PRIM2: variants seen among roughly 807,000 people sequenced by gnomAD.
The protein encoded by PRIM2 is DNA primase large subunit.
A neutral mutation model predicts 67.3 loss-of-function variants in PRIM2; 39 were observed. The ratio of observed to expected loss-of-function variants is 0.58; its 90% CI spans 0.45 to 0.76. PRIM2 has a LOEUF of 0.76. PRIM2 is among the 30% of genes least tolerant of loss of function. The pLI, the probability that PRIM2 is intolerant of heterozygous loss-of-function variation, is 0.00. For missense variants in PRIM2, 398 were observed against 598.7 expected (o/e 0.66, Z 3.50); for synonymous variants, 143 against 198.7 (o/e 0.72, Z 2.36).
chr6:57,533,042 G>A (rs1207716656), intron 9 of PRIM2, among the ~76,000 whole-genome samples: 1 of 151,740 alleles, frequency 6.6e-6, no homozygotes, highest in Non-Finnish European at 1.5e-5. Context: ...CCACCCCCAT[G>A]GCCTCCTTTA....
intron 8 of PRIM2, among the ~76,000 whole-genome samples, chr6:57,514,502 C>A (rs1774439575): frequency 6.6e-6 from 1 of 152,174 alleles, no homozygotes; most frequent in Non-Finnish European, 1.5e-5. Flanking sequence ...TGTTTCCAGT[C>A]TCTGGCAGTA....
chr6:57,636,969 T>C (rs1777133016), intron 13 of PRIM2, among the ~76,000 whole-genome samples: 1 of 152,120 alleles, frequency 6.6e-6, no homozygotes, highest in Admixed American at 6.5e-5. Context: ...GGGAGACACC[T>C]CCCAGCAGGG....
intron 13 of PRIM2, among the ~76,000 whole-genome samples, chr6:57,639,580 A>G (rs1325265698): frequency 7.0e-6 from 1 of 142,302 alleles, no homozygotes; most frequent in African/African-American, 2.7e-5. Context: ...ATCACCACTG[A>G]TCCCACAGAA....
At chr6:57,295,230 C>A in the PRIM2 span, among the ~76,000 whole-genome samples, 2 of 152,138 alleles carry the variant, frequency 1.3e-5, no homozygotes, top group African/African-American at 4.8e-5. Context: ...TTCTCCACCC[C>A]AGCTGACGTG....
chr6:57,439,675 G>A (rs1428709102), intron 7 of PRIM2, among the ~76,000 whole-genome samples: 1 of 151,838 alleles, frequency 6.6e-6, no homozygotes. Context: ...TTGGCCTCCC[G>A]AAGTGCCGAT....
the PRIM2 span, among the ~76,000 whole-genome samples, chr6:57,300,496 T>C: frequency 6.6e-6 from 1 of 152,258 alleles, no homozygotes; most frequent in African/African-American, 2.4e-5. Context: ...TTGAGGGATC[T>C]GAAAATCGGG....
At chr6:57,480,750 T>C (rs1773602905) in intron 7 of PRIM2, among the ~76,000 whole-genome samples, 1 of 152,170 alleles carries the variant, frequency 6.6e-6, no homozygotes. Context: ...TTTCTCAGCC[T>C]CCCGAGTAGC....
chr6:57,543,755 T>G (rs1775228173), intron 10 of PRIM2, among the ~76,000 whole-genome samples: 1 of 152,238 alleles, frequency 6.6e-6, no homozygotes, highest in Non-Finnish European at 1.5e-5. Context: ...AGGCATTTTT[T>G]TTTTTAACAC....
chr6:57,526,357 T>A lies in PRIM2; in HGVS notation c.762-6054T>A, dbSNP rs1243897384. Among the ~76,000 whole-genome samples the A allele has an allele frequency of 1.6e-3, 245 of 152,324 alleles. 3 individuals are homozygous for A. Among genetic ancestry groups the A allele is most frequent in the Non-Finnish European group, 4.1e-4 (28 of 68,020 alleles). The stretch of plus-strand genomic sequence containing the variant: ...AGGGAGTGTAAGTAAATCACTGCAA[T>A]TCCTTATCCATTACCACACATATTT... On this transcript the variant is annotated intron_variant, in intron 8 of 13. Coordinates refer to ENST00000615550, the MANE Select transcript of PRIM2 (RefSeq NM_000947.5).
At chr6:57,227,983 T>C in the PRIM2 span, among the ~76,000 whole-genome samples, 1 of 152,238 alleles carries the variant, frequency 6.6e-6, no homozygotes, top group South Asian at 2.1e-4. Flanking sequence ...TAATCAGTAA[T>C]TGAGGTTTTG....
In PRIM2 at chr6:57,318,538, G is replaced by C. The variant is rs1767550412; in HGVS notation, c.93G>C (p.Gln31His). 1 of 1,597,512 alleles carries C rather than the reference G, an allele frequency of 6.3e-7. No homozygotes were observed. Among genetic ancestry groups the C allele is most frequent in the Admixed American group, 1.7e-5 (1 of 57,334 alleles). ...CTCATTGCCTTCAGTTTTACTTGCA[G>C]CCACCTTCTGAAAACATATCTTTAA... The part of the protein sequence containing the change: ...SYPHCLQFYL[Q>H]PPSENISLIE... Residue 31 changes from glutamine to histidine, a missense_variant, in exon 2 of 14, where the codon CAG (glutamine) becomes CAC (histidine). Gln to His is a conservative substitution (Grantham distance 24, BLOSUM62 0). Transcript: ENST00000615550.
the PRIM2 span, among the ~76,000 whole-genome samples, chr6:57,289,212 A>G: frequency 2.0e-5 from 3 of 152,186 alleles, no homozygotes; most frequent in Non-Finnish European, 4.4e-5. Flanking sequence ...TCAGTGATCG[A>G]AGATCAAATT....
intron 5 of PRIM2, among the ~76,000 whole-genome samples, chr6:57,338,959 T>C (rs895692909): frequency 3.3e-5 from 5 of 152,230 alleles, no homozygotes; most frequent in East Asian, 1.9e-4. Flanking sequence ...GAAAACAACA[T>C]TGTCTCAGCC....
At chr6:57,330,904 C>T (rs142754260) in intron 5 of PRIM2, among the ~76,000 whole-genome samples, 108 of 152,024 alleles carry the variant, frequency 7.1e-4, no homozygotes, top group African/African-American at 2.1e-3. Context: ...TGTGTTGGGC[C>T]GGGCGCGGTG....
At chr6:57,486,995 G>A (rs1773769416) in intron 7 of PRIM2, among the ~76,000 whole-genome samples, 1 of 152,108 alleles carries the variant, frequency 6.6e-6, no homozygotes, top group Admixed American at 6.5e-5. Context: ...GTGATGAATG[G>A]CAAAAGCATT....
At chr6:57,309,558 T>G in the PRIM2 span, among the ~76,000 whole-genome samples, 1 of 152,174 alleles carries the variant, frequency 6.6e-6, no homozygotes, top group African/African-American at 2.4e-5. Context: ...CTTAATCCAG[T>G]CTATCATTGT....
intron 10 of PRIM2, among the ~76,000 whole-genome samples, chr6:57,587,391 G>C (rs1362350888): frequency 6.6e-6 from 1 of 152,118 alleles, no homozygotes; most frequent in Non-Finnish European, 1.5e-5. Context: ...ACAGCCGAGA[G>C]CGGTGGCTCA....
intron 7 of PRIM2, among the ~76,000 whole-genome samples, chr6:57,385,294 T>C (rs1770105153): frequency 6.6e-6 from 1 of 152,212 alleles, no homozygotes; most frequent in Non-Finnish European, 1.5e-5. Context: ...TCTTCTTCAC[T>C]TCTTTCTACT....
chr6:57,585,639 T>G (rs1403910382), intron 10 of PRIM2, among the ~76,000 whole-genome samples: 1 of 152,114 alleles, frequency 6.6e-6, no homozygotes, highest in Non-Finnish European at 1.5e-5. Context: ...CCGAGGGTGA[T>G]CAAATATTGA....
Sources: allele counts gnomAD v4.1 joint callset (sites outside exome capture counted in the v4.1 genomes callset), GRCh38; gene constraint gnomAD v4.1.1; transcripts MANE v1.5; gene names NCBI Gene and HGNC (gene_info 2026-07-23, HGNC 2026-07-21).